RAB38: variants seen among roughly 807,000 people sequenced by gnomAD.
RAB38 encodes the protein RAB38, member RAS oncogene family.
Under a neutral mutation model 18.4 loss-of-function variants are expected in RAB38, and 15 were observed. That is an observed-to-expected ratio of 0.82 (90% CI 0.55 to 1.26). RAB38 has a LOEUF of 1.26. RAB38 is among the 50% of genes most tolerant of loss of function. RAB38 has a pLI of 0.00. For missense variants in RAB38, 294 were observed against 267.4 expected, an observed-to-expected ratio of 1.10 and a Z score of -0.69; for synonymous variants, 101 against 104.4, an observed-to-expected ratio of 0.97 and a Z score of 0.20.
the RAB38 span, among the ~76,000 whole-genome samples, chr11:88,055,292 T>C: frequency 1.3e-5 from 2 of 152,222 alleles, no homozygotes; most frequent in African/African-American, 4.8e-5. Context: ...CTGTAAAACA[T>C]ACAGATGTCA....
chr11:88,066,058 A>G, the RAB38 span, among the ~76,000 whole-genome samples: 24 of 152,308 alleles, frequency 1.6e-4, no homozygotes, highest in African/African-American at 5.5e-4. Context: ...TAATCACCAA[A>G]GTTTCAAGGG....
rs373166314 is a variant in RAB38, at chr11:88,169,798, G to C, written c.202+5385C>G. Among the ~76,000 whole-genome samples the C allele has an allele frequency of 3.9e-5, 6 of 152,308 alleles. No individual in the cohort carries two copies. In the East Asian group the frequency reaches 9.6e-4, roughly 24 times the overall value. ...TGTGGACAACATCTCTGCACCATGAGAGTGTTCTGAAGTTATGTCTATCAA... is the reference window on the plus strand; with the variant it reads ...TGTGGACAACATCTCTGCACCATGACAGTGTTCTGAAGTTATGTCTATCAA... On this transcript the variant is annotated intron_variant, in intron 1 of 2. Transcript: ENST00000243662.
intron 1 of RAB38, 135 bp downstream of exon 1, chr11:88,175,048 G>A (rs7102810): frequency 0.098 from 109,254 of 1,119,264 alleles, 6,026 homozygotes; most frequent in African/African-American, 0.19. Flanking sequence ...TTGAAACTAA[G>A]TTTCCAGCCC....
At chr11:88,158,054 G>T (rs1943146889) in intron 1 of RAB38, among the ~76,000 whole-genome samples, 1 of 152,000 alleles carries the variant, frequency 6.6e-6, no homozygotes, top group African/African-American at 2.4e-5. Context: ...AAGAAAAAAA[G>T]GGAGAAGATC....
the RAB38 span, among the ~76,000 whole-genome samples, chr11:87,937,350 A>ATATC: frequency 3.6e-5 from 4 of 111,440 alleles, no homozygotes; most frequent in East Asian, 5.1e-4. Context: ...ATATATATAT[A>ATATC]TCATAATTCT....
the RAB38 span, among the ~76,000 whole-genome samples, chr11:87,878,965 T>A: frequency 9.1e-6 from 1 of 109,942 alleles, no homozygotes. Flanking sequence ...TTCAGAGCAA[T>A]TACTGATTTT....
the RAB38 span, among the ~76,000 whole-genome samples, chr11:87,898,832 G>A: frequency 1.3e-5 from 2 of 151,596 alleles, no homozygotes; most frequent in African/African-American, 4.8e-5. Context: ...CAACATGGCA[G>A]GAACAGGTGC....
At chr11:88,078,193 G>T in the RAB38 span, among the ~76,000 whole-genome samples, 1 of 151,934 alleles carries the variant, frequency 6.6e-6, no homozygotes, top group Non-Finnish European at 1.5e-5. Flanking sequence ...AGAGAAAAAG[G>T]AACCCTCATA....
chr11:88,136,903 G>A (rs1942843129), intron 2 of RAB38, among the ~76,000 whole-genome samples: 1 of 152,172 alleles, frequency 6.6e-6, no homozygotes, highest in South Asian at 2.1e-4. Context: ...TACACCCCAA[G>A]TCAAATTCTG....
the RAB38 span, among the ~76,000 whole-genome samples, chr11:88,025,348 G>A: frequency 5.3e-5 from 8 of 151,642 alleles, no homozygotes; most frequent in East Asian, 4.0e-4. Context: ...ACACATGAGT[G>A]CATGTGTCTT....
chr11:87,956,082 T>C, the RAB38 span, among the ~76,000 whole-genome samples: 1 of 145,086 alleles, frequency 6.9e-6, no homozygotes, highest in Non-Finnish European at 1.5e-5. Flanking sequence ...TCTGAGCTAA[T>C]AAAATAATTT....
the RAB38 span, among the ~76,000 whole-genome samples, chr11:87,952,227 C>A: frequency 6.6e-6 from 1 of 152,112 alleles, no homozygotes; most frequent in East Asian, 1.9e-4. Context: ...TACCTTTCCA[C>A]AGGCCTCTTT....
chr11:87,929,503 T>A, the RAB38 span, among the ~76,000 whole-genome samples: 123 of 152,106 alleles, frequency 8.1e-4, no homozygotes, highest in African/African-American at 2.9e-3. Flanking sequence ...AAATAATCAT[T>A]TGGAAAATTA....
chr11:88,127,697 G>A (rs1212303144), intron 2 of RAB38, among the ~76,000 whole-genome samples: 1 of 152,114 alleles, frequency 6.6e-6, no homozygotes, highest in Non-Finnish European at 1.5e-5. Context: ...ATGATATAAT[G>A]CAAAGTTGGA....
At chr11:88,167,354 G>C (rs7925268) in intron 1 of RAB38, 64,772 of 151,872 alleles carry the variant, frequency 0.43, 13,934 homozygotes, top group African/African-American at 0.47. Context: ...TATGATGGTC[G>C]TGACTGTCAT....
At chr11:88,032,356 C>A in the RAB38 span, among the ~76,000 whole-genome samples, 2 of 152,124 alleles carry the variant, frequency 1.3e-5, no homozygotes, top group Non-Finnish European at 2.9e-5. Context: ...AAAGCAATGG[C>A]AACCAAAGCC....
At chr11:87,948,671 T>C in the RAB38 span, among the ~76,000 whole-genome samples, 1 of 143,632 alleles carries the variant, frequency 7.0e-6, no homozygotes, top group African/African-American at 2.7e-5. Flanking sequence ...TTTTTGTCTT[T>C]GGTTCTGTTT....
chr11:87,913,942 A>AT, the RAB38 span, among the ~76,000 whole-genome samples: 566 of 150,482 alleles, frequency 3.8e-3, 3 homozygotes, highest in East Asian at 9.6e-3. Context: ...TGTAAGAAAT[A>AT]TTTTTTTTTT....
At chr11:87,957,844 T>G in the RAB38 span, among the ~76,000 whole-genome samples, 1 of 152,080 alleles carries the variant, frequency 6.6e-6, no homozygotes, top group Non-Finnish European at 1.5e-5. Context: ...TTCTAAGGCC[T>G]ACCAATCTCC....
Sources: gnomAD v4.1 joint callset for allele counts (sites outside exome capture counted in the v4.1 genomes callset) on GRCh38, gnomAD v4.1.1 for gene constraint, MANE v1.5 for transcripts, NCBI Gene and HGNC (gene_info 2026-07-23, HGNC 2026-07-21) for gene names.